KCNH1: variants seen among roughly 807,000 people sequenced by gnomAD.
KCNH1 encodes potassium voltage-gated channel subfamily H member 1, also known as voltage-gated delayed rectifier potassium channel KCNH1.
In KCNH1, 27 loss-of-function variants were observed where a neutral mutation model predicts 69.2. The observed-to-expected ratio is 0.39, with a 90% CI of 0.29 to 0.54. KCNH1 has a LOEUF of 0.54. Among genes scored for constraint, KCNH1 ranks in the 20% least tolerant of loss-of-function variants. The pLI is 0.68. For synonymous variants in KCNH1, 456 were observed against 487.7 expected, an observed-to-expected ratio of 0.93 and a Z score of 0.86; for missense variants, 798 against 1,261.6, an observed-to-expected ratio of 0.63 and a Z score of 5.57.
chr1:210,982,977 T>C (rs1460532816), intron 6 of KCNH1, among the ~76,000 whole-genome samples: 1 of 152,258 alleles, frequency 6.6e-6, no homozygotes, highest in South Asian at 2.1e-4. Flanking sequence ...TGGTGTGCGA[T>C]AGTAACTCAT....
intron 10 of KCNH1, among the ~76,000 whole-genome samples, chr1:210,742,367 C>T (rs1156280172): frequency 6.6e-6 from 1 of 152,168 alleles, no homozygotes; most frequent in African/African-American, 2.4e-5. Context: ...CACTGGAGCC[C>T]ATGGTTTTTA....
At chr1:210,789,127 G>A (rs1684166681) in intron 9 of KCNH1, among the ~76,000 whole-genome samples, 1 of 152,140 alleles carries the variant, frequency 6.6e-6, no homozygotes, top group African/African-American at 2.4e-5. Flanking sequence ...CTAAGCATGA[G>A]CAAACAACAT....
At chr1:211,067,997 G>T (rs1261461925) in intron 5 of KCNH1, among the ~76,000 whole-genome samples, 1 of 152,216 alleles carries the variant, frequency 6.6e-6, no homozygotes, top group Non-Finnish European at 1.5e-5. Flanking sequence ...TCTTGAATCA[G>T]TCTAGAAAGG....
Position 210,678,466 on chromosome 1 carries a change from G to T in KCNH1, c.*4815C>A, listed in dbSNP as rs533525632. ...ATTCCCAAGCCACAGATATACAGTG[G>T]TGTTCTTGGCAGCATCCTCAGCTGA... On this transcript the variant is annotated 3_prime_UTR_variant, in exon 11 of 11. Coordinates refer to ENST00000271751, the MANE Select transcript of KCNH1 (RefSeq NM_172362.3). 6.6e-6 allele frequency: 1 copy of T among 152,136 alleles called. No homozygotes were observed. The highest frequency in any genetic ancestry group is 1.5e-5 in the Non-Finnish European group (1 of 68,030). The allele number at this position is 152,136 out of a possible 1,614,324, so 9.4% of individuals were successfully genotyped here.
chr1:210,818,429 T>C (rs561448871), intron 7 of KCNH1, among the ~76,000 whole-genome samples: 1 of 152,306 alleles, frequency 6.6e-6, no homozygotes, highest in South Asian at 2.1e-4. Context: ...TACTGCATCA[T>C]AGTAATCAGA....
At chr1:211,113,974 T>TCTCA (rs1491436535) in intron 1 of KCNH1, among the ~76,000 whole-genome samples, 364 of 142,468 alleles carry the variant, frequency 2.6e-3, no homozygotes, top group African/African-American at 6.0e-3. Flanking sequence ...TCTCTCTCTC[T>TCTCA]CACACACACA....
At chr1:211,017,862 A>T (rs543662270) in intron 6 of KCNH1, among the ~76,000 whole-genome samples, 27 of 152,304 alleles carry the variant, frequency 1.8e-4, no homozygotes, top group African/African-American at 6.5e-4. Flanking sequence ...TCCAAACCTC[A>T]TGTTGAAATT....
chr1:210,961,455 T>G (rs922687715), intron 6 of KCNH1, among the ~76,000 whole-genome samples: 1 of 152,232 alleles, frequency 6.6e-6, no homozygotes. Flanking sequence ...TGTAATAGTT[T>G]CATCTCTAGA....
intron 10 of KCNH1, among the ~76,000 whole-genome samples, chr1:210,723,805 C>T (rs1321714049): frequency 6.6e-6 from 1 of 152,176 alleles, no homozygotes; most frequent in South Asian, 2.1e-4. Context: ...CAAAGGGACA[C>T]GTGTGAGTTG....
At chr1:211,059,751 A>AAGAG (rs200217736) in intron 5 of KCNH1, among the ~76,000 whole-genome samples, 39 of 149,234 alleles carry the variant, frequency 2.6e-4, no homozygotes, top group South Asian at 8.5e-4. Flanking sequence ...TCAAGAAAAA[A>AAGAG]AGAGTGAGAG....
intron 7 of KCNH1, among the ~76,000 whole-genome samples, chr1:210,857,372 G>A (rs1380221049): frequency 2.6e-5 from 4 of 152,104 alleles, no homozygotes; most frequent in Admixed American, 1.3e-4. Flanking sequence ...TTGTTTATGC[G>A]TAAGGCCGGA....
In KCNH1 at chr1:210,730,118, G is replaced by A. The variant is rs1372636488; in HGVS notation, c.2112+45230C>T. On this transcript the variant is annotated intron_variant, in intron 10 of 10. Coordinates refer to ENST00000271751, the MANE Select transcript of KCNH1 (RefSeq NM_172362.3). ...CAGAGCAACTGTGATGACACAGGAG[G>A]AAGATTAAAATAGTTTCCTCAGCAA... Among the ~76,000 whole-genome samples the A allele has an allele frequency of 3.3e-5, 5 of 152,192 alleles. 1 individual carries two copies. The highest frequency in any genetic ancestry group is 2.0e-4 in the Admixed American group (3 of 15,268).
chr1:210,735,379 G>T (rs1348453301), intron 10 of KCNH1, among the ~76,000 whole-genome samples: 2 of 151,194 alleles, frequency 1.3e-5, no homozygotes, highest in Non-Finnish European at 2.9e-5. Flanking sequence ...ACATTTAAAA[G>T]ACATTCAACA....
At chr1:210,995,605 A>AC (rs1689017425) in intron 6 of KCNH1, among the ~76,000 whole-genome samples, 2 of 152,140 alleles carry the variant, frequency 1.3e-5, no homozygotes, top group African/African-American at 4.8e-5. Context: ...ACTACCAAAT[A>AC]CCCCTAAACA....
rs770598946 is a variant in KCNH1, at chr1:211,090,705, A to G, written c.311-15T>C. 1 of 1,595,244 alleles carries G rather than the reference A, an allele frequency of 6.3e-7. No individual in the cohort carries two copies. The highest frequency in any genetic ancestry group is 1.2e-5 in the South Asian group (1 of 86,368). On this transcript the variant is annotated splice_polypyrimidine_tract_variant and intron_variant, in intron 3 of 10. Coordinates refer to ENST00000271751, the MANE Select transcript of KCNH1 (RefSeq NM_172362.3). ...CACAGGTGTCCCTGAAAGGAATATC[A>G]AAAGGTTGGTCAGTAATTTGCATTC...
At chr1:211,003,073 A>C (rs1166322282) in intron 6 of KCNH1, among the ~76,000 whole-genome samples, 3 of 151,756 alleles carry the variant, frequency 2.0e-5, no homozygotes, top group Non-Finnish European at 4.4e-5. Flanking sequence ...TTACATCATT[A>C]AAGGGTCATG....
At chr1:210,834,862 G>C (rs1685248037) in intron 7 of KCNH1, among the ~76,000 whole-genome samples, 2 of 152,150 alleles carry the variant, frequency 1.3e-5, no homozygotes, top group South Asian at 4.2e-4. Flanking sequence ...ACCAAATGCA[G>C]ATTCTGATGG....
chr1:211,082,784 G>A lies in KCNH1; in HGVS notation c.554C>T (p.Ala185Val), dbSNP rs1690881206. ...GENVHKHSRL[A>V]EVLQLGSDIL... ...GAGCTAACCCTTTGCCCTTACCTCT[G>A]CCAGGCGGGAGTGCTTGTGGACATT... The change falls in exon 5 of 11, where the codon GCA becomes GTA. Residue 185 changes from alanine (A) to valine (V), a missense_variant. By Grantham distance (64) the Ala-to-Val change is moderately conservative. This residue lies in a region of KCNH1 where 266 missense variants were observed against 457.2 expected (regional missense o/e 0.58). Transcript: ENST00000271751. 3.1e-6 allele frequency: 5 copies of A among 1,612,710 alleles called. No homozygotes were observed. The highest frequency in any genetic ancestry group is 4.2e-6 in the Non-Finnish European group (5 of 1,178,850).
At chr1:211,045,061 A>ATATAT (rs1690072423) in intron 5 of KCNH1, among the ~76,000 whole-genome samples, 1 of 32,162 alleles carries the variant, frequency 3.1e-5, no homozygotes, top group Non-Finnish European at 8.5e-5. Context: ...TATATATATG[A>ATATAT]ATAATAGAAT....
Sources: allele counts gnomAD v4.1 joint callset (sites outside exome capture counted in the v4.1 genomes callset), GRCh38; gene constraint gnomAD v4.1.1; regional missense constraint gnomAD v4.1.1; transcripts MANE v1.5; gene names NCBI Gene and HGNC (gene_info 2026-07-23, HGNC 2026-07-21).